The following KIF26B variants were observed in gnomAD, a reference collection of about 807,000 sequenced individuals.
The protein encoded by KIF26B is kinesin family member 26B.
A neutral mutation model predicts 151.2 loss-of-function variants in KIF26B; 63 were observed. The ratio of observed to expected loss-of-function variants is 0.42; its 90% CI spans 0.34 to 0.51. KIF26B has a LOEUF of 0.51. Ranked by LOEUF, KIF26B falls within the 20% of genes least tolerant of loss-of-function variation. KIF26B has a pLI of 0.07. For missense variants in KIF26B, 2,813 were observed against 2,913.6 expected (o/e 0.97, Z 0.79); for synonymous variants, 1,357 against 1,262.1 (o/e 1.08, Z -1.59).
chr1:245,359,311 G>T (rs970205946), intron 2 of KIF26B, among the ~76,000 whole-genome samples: 1 of 152,106 alleles, frequency 6.6e-6, no homozygotes, highest in Non-Finnish European at 1.5e-5. Context: ...GAGCCACCGC[G>T]TCCAGGCCAG....
Position 245,609,459 on chromosome 1 carries a change from C to T in KIF26B, c.1845C>T (p.Ala615=), listed in dbSNP as rs200865211. Residue 615 remains alanine (A), a synonymous_variant, in exon 8 of 15, where the codon GCC becomes GCT. Transcript: ENST00000407071. Reference sequence around the variant, plus strand: ...TGCGGGACCTGCTGTCGGAGGTGGCCACGGGCAGCCTGCAGGACGGCCAGT... The same window carrying T: ...TGCGGGACCTGCTGTCGGAGGTGGCTACGGGCAGCCTGCAGGACGGCCAGT... ...ENLRDLLSEV[A]TGSLQDGQSP... The T allele has an allele frequency of 3.1e-6, 5 of 1,604,028 alleles. No individual in the cohort carries two copies. The Admixed American group carries it at 8.5e-5, about 27-fold the overall frequency.
chr1:245,523,652 T>A (rs1450630751), intron 4 of KIF26B, among the ~76,000 whole-genome samples: 1 of 152,196 alleles, frequency 6.6e-6, no homozygotes, highest in Non-Finnish European at 1.5e-5. Context: ...CTCCCTGGGC[T>A]CCTTTTTTAA....
At chr1:245,195,441 A>T (rs1669173887) in intron 2 of KIF26B, among the ~76,000 whole-genome samples, 1 of 152,226 alleles carries the variant, frequency 6.6e-6, no homozygotes, top group Non-Finnish European at 1.5e-5. Context: ...GAGATGCGCT[A>T]GGTGGATTAT....
At chr1:245,285,868 G>A (rs10754449) in intron 2 of KIF26B, among the ~76,000 whole-genome samples, 89,508 of 150,776 alleles carry the variant, frequency 0.59, 26,910 homozygotes, top group East Asian at 0.7. Flanking sequence ...GTGTGGTGGT[G>A]CGTAGTTGTA....
chr1:245,451,136 T>C (rs965771104), intron 4 of KIF26B, among the ~76,000 whole-genome samples: 1 of 152,186 alleles, frequency 6.6e-6, no homozygotes, highest in Non-Finnish European at 1.5e-5. Flanking sequence ...GTTATTTTCT[T>C]CCTTCTGCTT....
At chr1:245,347,945 T>TC (rs1202191618) in intron 2 of KIF26B, among the ~76,000 whole-genome samples, 4 of 152,248 alleles carry the variant, frequency 2.6e-5, no homozygotes, top group Non-Finnish European at 5.9e-5. Context: ...ACCGTTATTT[T>TC]CCCCATGTTA....
At chr1:245,503,283 A>C (rs1660660247) in intron 4 of KIF26B, among the ~76,000 whole-genome samples, 1 of 152,082 alleles carries the variant, frequency 6.6e-6, no homozygotes, top group Non-Finnish European at 1.5e-5. Context: ...TTATGTATGG[A>C]TTTTCATATT....
chr1:245,289,635 A>C (rs535801845), intron 2 of KIF26B, among the ~76,000 whole-genome samples: 2 of 152,006 alleles, frequency 1.3e-5, no homozygotes, highest in Non-Finnish European at 2.9e-5. Context: ...TTTCTCATCC[A>C]TCTGAATTTC....
intron 2 of KIF26B, among the ~76,000 whole-genome samples, chr1:245,254,077 TG>T (rs1328211822): frequency 6.6e-6 from 1 of 152,186 alleles, no homozygotes; most frequent in Non-Finnish European, 1.5e-5. Context: ...CCCAAAGTGC[TG>T]GGATTACAGG....
At chr1:245,307,711 AC>A (rs1374531065) in intron 2 of KIF26B, among the ~76,000 whole-genome samples, 3 of 149,794 alleles carry the variant, frequency 2.0e-5, no homozygotes, top group Non-Finnish European at 4.4e-5. Flanking sequence ...CTCTGAAGCC[AC>A]AATTATCTCT....
At chr1:245,185,957 C>T (rs1158681834) in intron 2 of KIF26B, among the ~76,000 whole-genome samples, 1 of 152,138 alleles carries the variant, frequency 6.6e-6, no homozygotes, top group Admixed American at 6.6e-5. Flanking sequence ...TCACTGCAAC[C>T]TCCGCCTCCC....
chr1:245,388,580 G>A (rs1673609105), intron 3 of KIF26B, among the ~76,000 whole-genome samples: 1 of 152,128 alleles, frequency 6.6e-6, no homozygotes, highest in African/African-American at 2.4e-5. Context: ...TAGGTCCCTC[G>A]TTCCTTCTAC....
At chr1:245,296,826 C>T (rs949817975) in intron 2 of KIF26B, among the ~76,000 whole-genome samples, 2 of 152,206 alleles carry the variant, frequency 1.3e-5, no homozygotes, top group Non-Finnish European at 2.9e-5. Context: ...GGCCTCATCT[C>T]AGGACTGTAC....
intron 10 of KIF26B, among the ~76,000 whole-genome samples, chr1:245,664,926 G>C (rs939880191): frequency 2.0e-5 from 3 of 152,076 alleles, no homozygotes; most frequent in African/African-American, 7.2e-5. Context: ...CAAACCATCT[G>C]TTTTTGATAA....
At chr1:245,657,516 T>C (rs2044088135) in intron 10 of KIF26B, among the ~76,000 whole-genome samples, 1 of 152,186 alleles carries the variant, frequency 6.6e-6, no homozygotes, top group Admixed American at 6.5e-5. Context: ...ATCTGATGTC[T>C]CTCAGTCTTT....
At chr1:245,328,033 A>AGAGAG (rs1047340374) in intron 2 of KIF26B, among the ~76,000 whole-genome samples, 3 of 152,130 alleles carry the variant, frequency 2.0e-5, no homozygotes, top group Non-Finnish European at 4.4e-5. Context: ...GAAGAGTGGC[A>AGAGAG]GAGAGGGGAC....
chr1:245,412,835 G>A (rs994971125), intron 3 of KIF26B, among the ~76,000 whole-genome samples: 3 of 152,178 alleles, frequency 2.0e-5, no homozygotes, highest in Non-Finnish European at 2.9e-5. Flanking sequence ...TTCACTGCTC[G>A]TTAATGGTGC....
chr1:245,565,874 A>T (rs1325713531), intron 5 of KIF26B, among the ~76,000 whole-genome samples: 1 of 152,238 alleles, frequency 6.6e-6, no homozygotes, highest in Admixed American at 6.5e-5. Context: ...TGGTGCTAGC[A>T]TCTCCTTGGC....
At position 245,609,297 on chromosome 1, in the gene KIF26B, T is replaced by G; in HGVS notation, c.1683T>G (p.Asp561Glu). The G allele has an allele frequency of 6.2e-7, 1 of 1,610,240 alleles. No homozygotes were observed. Among genetic ancestry groups the G allele is most frequent in the Non-Finnish European group, 8.5e-7 (1 of 1,178,210 alleles). Reference protein sequence around the residue: ...GKSYTMIGKDDSMQNLGIIPC... With the variant: ...GKSYTMIGKDESMQNLGIIPC... ...CCTACACCATGATCGGAAAGGATGA[T>G]TCCATGCAGAACCTGGGCATCATTC... The change falls in exon 8 of 15, where the codon GAT becomes GAG. Residue 561 changes from aspartate (D) to glutamate (E), a missense_variant. By Grantham distance (45) the Asp-to-Glu change is conservative. Around this residue, in one of 3 missense-constraint regions of KIF26B, gnomAD observed 77 missense variants for 136.9 expected, o/e 0.56. Coordinates refer to ENST00000407071, the MANE Select transcript of KIF26B (RefSeq NM_018012.4).
Sources: gnomAD v4.1 joint callset for allele counts (sites outside exome capture counted in the v4.1 genomes callset) on GRCh38, gnomAD v4.1.1 for gene constraint, gnomAD v4.1.1 regional missense constraint, MANE v1.5 for transcripts, NCBI Gene and HGNC (gene_info 2026-07-23, HGNC 2026-07-21) for gene names.